EPHA6: variants seen among roughly 807,000 people sequenced by gnomAD.
EPHA6 encodes ephrin type-A receptor 6.
EPHA6 carries 50 observed loss-of-function variants against 112.0 expected under a neutral mutation model. The ratio of observed to expected loss-of-function variants is 0.45; its 90% CI spans 0.36 to 0.56. The LOEUF (loss-of-function observed/expected upper bound fraction) is 0.56. Ranked by LOEUF, EPHA6 falls within the 20% of genes least tolerant of loss-of-function variation. EPHA6 has a pLI of 0.00. For synonymous variants in EPHA6, 529 were observed against 490.7 expected (o/e 1.08, Z -1.03); for missense variants, 1,280 against 1,417.4 (o/e 0.90, Z 1.56).
chr3:97,135,075 G>C (rs1023364229), intron 3 of EPHA6, among the ~76,000 whole-genome samples: 1 of 152,086 alleles, frequency 6.6e-6, no homozygotes, highest in African/African-American at 2.4e-5. Flanking sequence ...GTATACCAAA[G>C]TGGCATATTG....
intron 3 of EPHA6, among the ~76,000 whole-genome samples, chr3:97,071,928 C>T (rs529330149): frequency 3.9e-5 from 6 of 151,902 alleles, no homozygotes; most frequent in Non-Finnish European, 8.8e-5. Flanking sequence ...GCCTTTGCAC[C>T]CTCATAGCTT....
At chr3:97,716,288 G>GA (rs1400843926) in intron 14 of EPHA6, among the ~76,000 whole-genome samples, 1 of 125,308 alleles carries the variant, frequency 8.0e-6, no homozygotes, top group Non-Finnish European at 1.5e-5. Flanking sequence ...GAAAAGATGG[G>GA]CCGGGCGCGG....
chr3:97,575,002 C>T (rs1038334186), intron 11 of EPHA6, among the ~76,000 whole-genome samples: 1 of 151,734 alleles, frequency 6.6e-6, no homozygotes. Flanking sequence ...CACATGTACC[C>T]CCTGAATCTA....
intron 2 of EPHA6, among the ~76,000 whole-genome samples, chr3:96,945,777 A>G (rs764724104): frequency 6.6e-6 from 1 of 152,198 alleles, no homozygotes; most frequent in Admixed American, 6.5e-5. Context: ...AAGGCTAAAG[A>G]CAGGTGAAAA....
intron 5 of EPHA6, among the ~76,000 whole-genome samples, chr3:97,320,511 G>GAATAT: frequency 6.6e-6 from 1 of 151,900 alleles, no homozygotes; most frequent in African/African-American, 2.4e-5. Flanking sequence ...AGGGAATGAG[G>GAATAT]AATATGATAG....
intron 11 of EPHA6, among the ~76,000 whole-genome samples, chr3:97,548,995 G>A (rs1301585144): frequency 6.6e-6 from 1 of 152,164 alleles, no homozygotes; most frequent in Non-Finnish European, 1.5e-5. Flanking sequence ...TCACTTGTGG[G>A]TGATGATGCT....
At chr3:97,672,539 C>G (rs1316476033) in intron 14 of EPHA6, among the ~76,000 whole-genome samples, 1 of 151,902 alleles carries the variant, frequency 6.6e-6, no homozygotes, top group Non-Finnish European at 1.5e-5. Flanking sequence ...CAGTGAAGGT[C>G]ATGTGGAGTC....
intron 5 of EPHA6, among the ~76,000 whole-genome samples, chr3:97,291,683 T>C (rs745761953): frequency 1.7e-4 from 26 of 152,372 alleles, no homozygotes; most frequent in Non-Finnish European, 3.8e-4. Context: ...ATTTGTTTTA[T>C]GTATCTGAGT....
chr3:96,899,394 AT>A (rs35321290), intron 2 of EPHA6, among the ~76,000 whole-genome samples: 1 of 152,200 alleles, frequency 6.6e-6, no homozygotes, highest in Admixed American at 6.5e-5. Context: ...AAGATAATAT[AT>A]TTTTACCAGT....
At chr3:97,198,552 G>A (rs1368922508) in intron 3 of EPHA6, among the ~76,000 whole-genome samples, 1 of 152,052 alleles carries the variant, frequency 6.6e-6, no homozygotes, top group African/African-American at 2.4e-5. Context: ...CAGCAGCATT[G>A]TAAAAGGATC....
chr3:97,194,123 T>G (rs1178414126), intron 3 of EPHA6, among the ~76,000 whole-genome samples: 1 of 152,052 alleles, frequency 6.6e-6, no homozygotes, highest in Non-Finnish European at 1.5e-5. Flanking sequence ...TTTGGTTTGC[T>G]CTTGCTTTTC....
At chr3:97,020,164 G>C (rs908464129) in intron 3 of EPHA6, among the ~76,000 whole-genome samples, 4 of 152,148 alleles carry the variant, frequency 2.6e-5, no homozygotes, top group Non-Finnish European at 5.9e-5. Context: ...TTCTGGTGCA[G>C]ACTGAGCCCC....
At chr3:97,486,405 A>T (rs2091699593) in intron 10 of EPHA6, among the ~76,000 whole-genome samples, 1 of 152,310 alleles carries the variant, frequency 6.6e-6, no homozygotes, top group Admixed American at 6.5e-5. Context: ...CCTTTAGATC[A>T]TTGTTATAGC....
intron 11 of EPHA6, among the ~76,000 whole-genome samples, chr3:97,584,325 A>G (rs2107303693): frequency 6.6e-6 from 1 of 152,326 alleles, no homozygotes; most frequent in African/African-American, 2.4e-5. Flanking sequence ...AGTGAGAAAG[A>G]CGAATGTATA....
intron 11 of EPHA6, among the ~76,000 whole-genome samples, chr3:97,538,977 C>G (rs914732620): frequency 2.2e-5 from 3 of 138,100 alleles, no homozygotes; most frequent in Non-Finnish European, 4.8e-5. Context: ...TGGACACTTT[C>G]TCTCTCTTTC....
intron 12 of EPHA6, among the ~76,000 whole-genome samples, chr3:97,603,975 A>C (rs2093661482): frequency 1.3e-5 from 2 of 151,826 alleles, no homozygotes; most frequent in African/African-American, 4.8e-5. Flanking sequence ...GTAAGGTAGC[A>C]TATAATACTC....
intron 10 of EPHA6, 56 bp downstream of exon 10, chr3:97,484,115 G>C: frequency 6.6e-7 from 1 of 1,512,946 alleles, no homozygotes; most frequent in Non-Finnish European, 8.9e-7. Context: ...TTTGTAACTG[G>C]TTTATCAACA....
intron 11 of EPHA6, among the ~76,000 whole-genome samples, chr3:97,573,272 C>A (rs1279274999): frequency 6.6e-6 from 1 of 152,020 alleles, no homozygotes; most frequent in Non-Finnish European, 1.5e-5. Flanking sequence ...GTTCATTATG[C>A]CTGATGAAGG....
At chr3:97,179,105 C>G (rs967495550) in intron 3 of EPHA6, among the ~76,000 whole-genome samples, 2 of 151,942 alleles carry the variant, frequency 1.3e-5, no homozygotes, top group African/African-American at 4.8e-5. Context: ...TTTCAAATAA[C>G]CTGTCTCCAA....
Sources: allele counts gnomAD v4.1 joint callset (sites outside exome capture counted in the v4.1 genomes callset), GRCh38; gene constraint gnomAD v4.1.1; transcripts MANE v1.5; gene names NCBI Gene and HGNC (gene_info 2026-07-23, HGNC 2026-07-21).